Variants in PRKD1 observed in about 807,000 individuals in gnomAD.
PRKD1 encodes serine/threonine-protein kinase D1.
A neutral mutation model predicts 95.9 loss-of-function variants in PRKD1; 63 were observed. That is an observed-to-expected ratio of 0.66 (90% CI 0.54 to 0.81). PRKD1 has a LOEUF of 0.81. PRKD1 is among the 30% of genes least tolerant of loss of function. The pLI, the probability that PRKD1 is intolerant of heterozygous loss-of-function variation, is 0.00. For missense variants in PRKD1, 1,048 were observed against 1,165.3 expected (o/e 0.90, Z 1.47); for synonymous variants, 425 against 423.1 (o/e 1.00, Z -0.05).
At chr14:29,793,157 GCT>G (rs997083087) in intron 1 of PRKD1, among the ~76,000 whole-genome samples, 2 of 151,762 alleles carry the variant, frequency 1.3e-5, no homozygotes, top group Non-Finnish European at 2.9e-5. Context: ...CCTATTTTTT[GCT>G]TGTAGGAGCA....
chr14:29,849,574 C>CA lies in PRKD1; in HGVS notation c.264+77674dup, dbSNP rs1314904688. Among the ~76,000 whole-genome samples, 357 of 139,790 alleles carry CA rather than the reference C, an allele frequency of 2.6e-3. 1 individual carries two copies. The highest frequency in any genetic ancestry group is 3.7e-3 in the Non-Finnish European group (244 of 66,088). 91.7% of individuals were successfully genotyped at this position (139,790 alleles called of 152,430 possible). The stretch of plus-strand genomic sequence containing the variant: ...TGAAGTAAAACAACAACAACAACAA[C>CA]AACAAAAAAAAAACTACCAATCAGA... On this transcript the variant is annotated intron_variant, in intron 1 of 17. Coordinates refer to ENST00000331968, the MANE Select transcript of PRKD1 (RefSeq NM_002742.3).
At chr14:29,802,223 ATAAG>A (rs1890064116) in intron 1 of PRKD1, among the ~76,000 whole-genome samples, 1 of 152,214 alleles carries the variant, frequency 6.6e-6, no homozygotes, top group South Asian at 2.1e-4. Flanking sequence ...ACAAACAAGA[ATAAG>A]TAATAGTCCC....
At chr14:29,673,354 T>G (rs984978154) in intron 2 of PRKD1, among the ~76,000 whole-genome samples, 1 of 152,246 alleles carries the variant, frequency 6.6e-6, no homozygotes, top group Non-Finnish European at 1.5e-5. Flanking sequence ...CAGCCATTTC[T>G]AAGAATGCGT....
chr14:29,625,955 A>G (rs1386223191), intron 12 of PRKD1, among the ~76,000 whole-genome samples: 9 of 152,154 alleles, frequency 5.9e-5, no homozygotes, highest in Non-Finnish European at 1.3e-4. Flanking sequence ...CTAAAATAGC[A>G]GAAGTTAGAA....
chr14:29,598,135 G>A (rs1893378436), intron 15 of PRKD1, among the ~76,000 whole-genome samples: 1 of 151,816 alleles, frequency 6.6e-6, no homozygotes, highest in Non-Finnish European at 1.5e-5. Flanking sequence ...AATTAGCCCG[G>A]CGTAGTGGTG....
chr14:29,755,766 T>C (rs757131992), intron 1 of PRKD1, among the ~76,000 whole-genome samples: 9 of 152,176 alleles, frequency 5.9e-5, no homozygotes, highest in Non-Finnish European at 1.3e-4. Flanking sequence ...GAAGAACCCA[T>C]TTTCTACTTG....
intron 1 of PRKD1, among the ~76,000 whole-genome samples, chr14:29,901,581 TAAAAA>T (rs757040599): frequency 2.0e-5 from 3 of 151,948 alleles, no homozygotes; most frequent in Non-Finnish European, 2.9e-5. Flanking sequence ...AAAATAAAAA[TAAAAA>T]AGATACAGCA....
rs554216748 is a variant in PRKD1 at position 29,838,449 on chromosome 14, A to G, written c.264+88800T>C. Among the ~76,000 whole-genome samples the G allele has an allele frequency of 3.6e-3, 546 of 152,294 alleles. 1 individual carries two copies. Among genetic ancestry groups the G allele is most frequent in the Non-Finnish European group, 6.2e-3 (421 of 68,024 alleles). On this transcript the variant is annotated intron_variant, in intron 1 of 17. Coordinates refer to ENST00000331968, the MANE Select transcript of PRKD1 (RefSeq NM_002742.3). ...AGGCCCCCTGTATAATCCTTCCAAG[A>G]AATTAGTTAGAAATATAGAGTTTTG...
chr14:29,818,930 C>T (rs1672330143), intron 1 of PRKD1, among the ~76,000 whole-genome samples: 1 of 151,366 alleles, frequency 6.6e-6, no homozygotes, highest in Non-Finnish European at 1.5e-5. Context: ...GTCTAACTAC[C>T]AGTTAGTTTA....
chr14:29,837,469 T>C (rs1001046758), intron 1 of PRKD1, among the ~76,000 whole-genome samples: 12 of 152,142 alleles, frequency 7.9e-5, no homozygotes, highest in Admixed American at 6.5e-4. Context: ...TATTTAACAC[T>C]ATAAAAGTAA....
chr14:29,627,847 T>C (rs1174756991), intron 11 of PRKD1, among the ~76,000 whole-genome samples: 1 of 152,190 alleles, frequency 6.6e-6, no homozygotes, highest in Non-Finnish European at 1.5e-5. Context: ...TTCAACGCTG[T>C]CTAGGGACAA....
At chr14:29,761,221 G>C (rs1171493491) in intron 1 of PRKD1, among the ~76,000 whole-genome samples, 1 of 152,174 alleles carries the variant, frequency 6.6e-6, no homozygotes, top group African/African-American at 2.4e-5. Flanking sequence ...GATAAAGATA[G>C]TTTAAATTTT....
chr14:29,703,782 C>T (rs1054378144), intron 2 of PRKD1, among the ~76,000 whole-genome samples: 1 of 152,128 alleles, frequency 6.6e-6, no homozygotes, highest in African/African-American at 2.4e-5. Flanking sequence ...GAATAAACAT[C>T]TCTAGGGATG....
At chr14:29,877,541 T>C (rs1893344381) in intron 1 of PRKD1, among the ~76,000 whole-genome samples, 1 of 152,260 alleles carries the variant, frequency 6.6e-6, no homozygotes, top group African/African-American at 2.4e-5. Context: ...GCTGCTGGCA[T>C]GTTTGTCATG....
At chr14:29,810,743 C>T (rs1235997331) in intron 1 of PRKD1, among the ~76,000 whole-genome samples, 2 of 152,202 alleles carry the variant, frequency 1.3e-5, no homozygotes, top group Admixed American at 1.3e-4. Flanking sequence ...CTTTAAAATG[C>T]CAACCTCAAA....
chr14:29,847,421 A>G (rs1892123658), intron 1 of PRKD1, among the ~76,000 whole-genome samples: 1 of 152,176 alleles, frequency 6.6e-6, no homozygotes, highest in Non-Finnish European at 1.5e-5. Context: ...CAATAGTGAG[A>G]AGTAAGTGAA....
chr14:29,731,667 C>T (rs1003011507), intron 1 of PRKD1, among the ~76,000 whole-genome samples: 12 of 151,938 alleles, frequency 7.9e-5, no homozygotes, highest in African/African-American at 2.4e-4. Context: ...AGAATTTATC[C>T]GTTTCATAAT....
chr14:29,813,370 T>C (rs891026295), intron 1 of PRKD1, among the ~76,000 whole-genome samples: 1 of 152,196 alleles, frequency 6.6e-6, no homozygotes, highest in Admixed American at 6.5e-5. Context: ...AAATTTTATA[T>C]ACAAAAGACA....
chr14:29,577,014 C>T lies in PRKD1; in HGVS notation c.*224G>A, dbSNP rs1892576764. On this transcript the variant is annotated 3_prime_UTR_variant, in exon 18 of 18. Transcript: ENST00000331968. Reference sequence around the variant, plus strand: ...ATGAATCATTCACAATAACAAGTTTCGTGTTTCAGGGAACTTTTGTTAATA... The same window carrying T: ...ATGAATCATTCACAATAACAAGTTTTGTGTTTCAGGGAACTTTTGTTAATA... The T allele has an allele frequency of 1.4e-5, 8 of 571,446 alleles. No individual in the cohort carries two copies. The highest frequency in any genetic ancestry group is 3.0e-5 in the Admixed American group (1 of 33,028). The allele number at this position is 571,446 out of a possible 1,614,324, so 35.4% of individuals were successfully genotyped here. A position where few individuals can be genotyped will look rare whatever the true frequency, so the allele number is the denominator to read the frequency against.
Sources: gnomAD v4.1 joint callset for allele counts (sites outside exome capture counted in the v4.1 genomes callset) on GRCh38, gnomAD v4.1.1 for gene constraint, MANE v1.5 for transcripts, NCBI Gene and HGNC (gene_info 2026-07-23, HGNC 2026-07-21) for gene names.